Variants in NEGR1 observed in about 807,000 individuals in gnomAD.
NEGR1 encodes the protein IgLON family member 4.
A neutral mutation model predicts 40.9 loss-of-function variants in NEGR1; 10 were observed. The ratio of observed to expected loss-of-function variants is 0.24; its 90% CI spans 0.15 to 0.42. The LOEUF is 0.42. Among genes scored for constraint, NEGR1 ranks in the 10% least tolerant of loss-of-function variants. The pLI is 1.00. For missense variants in NEGR1, 352 were observed against 438.9 expected, an observed-to-expected ratio of 0.80 and a Z score of 1.77; for synonymous variants, 185 against 166.8, an observed-to-expected ratio of 1.11 and a Z score of -0.84.
chr1:71,523,020 T>C (rs1387674110), intron 6 of NEGR1, among the ~76,000 whole-genome samples: 4 of 151,982 alleles, frequency 2.6e-5, no homozygotes, highest in African/African-American at 9.7e-5. Context: ...CAAAGTGTGA[T>C]ATGAAAGATG....
intron 1 of NEGR1, among the ~76,000 whole-genome samples, chr1:72,174,252 CT>C (rs1652079311): frequency 6.6e-6 from 1 of 152,124 alleles, no homozygotes; most frequent in African/African-American, 2.4e-5. Flanking sequence ...CCGCTTTCCC[CT>C]ATACATGCAC....
chr1:72,052,385 T>A (rs928932771), intron 1 of NEGR1, among the ~76,000 whole-genome samples: 3 of 151,474 alleles, frequency 2.0e-5, no homozygotes, highest in African/African-American at 7.3e-5. Flanking sequence ...CAAATCTGAC[T>A]GCAAAAATTG....
intron 6 of NEGR1, among the ~76,000 whole-genome samples, chr1:71,485,909 G>A (rs968098771): frequency 6.6e-6 from 1 of 151,660 alleles, no homozygotes; most frequent in Non-Finnish European, 1.5e-5. Context: ...TATGTGTGAA[G>A]AATTTTGTGC....
chr1:71,769,976 T>C (rs2101710397), intron 3 of NEGR1, among the ~76,000 whole-genome samples: 1 of 152,310 alleles, frequency 6.6e-6, no homozygotes, highest in East Asian at 1.9e-4. Context: ...TTTTCTAAGA[T>C]GTTACTTTTG....
At chr1:71,410,404 G>A (rs1233165066) in intron 6 of NEGR1, among the ~76,000 whole-genome samples, 2 of 152,092 alleles carry the variant, frequency 1.3e-5, no homozygotes, top group African/African-American at 2.4e-5. Flanking sequence ...GTTGAATTAA[G>A]CCTCACATAG....
intron 3 of NEGR1, among the ~76,000 whole-genome samples, chr1:71,740,637 ATAT>A (rs1655185355): frequency 6.6e-6 from 1 of 152,112 alleles, no homozygotes; most frequent in South Asian, 2.1e-4. Context: ...TTTTCAAGAT[ATAT>A]TATTTTAACA....
rs545187438 is a variant in NEGR1, at chr1:71,967,224, T to C, written c.177-31913A>G. Among the ~76,000 whole-genome samples, 4 of 152,346 alleles carry C rather than the reference T, an allele frequency of 2.6e-5. No homozygotes were observed. In the East Asian group the frequency reaches 7.7e-4, roughly 29 times the overall value. On this transcript the variant is annotated intron_variant, in intron 1 of 6. Transcript: ENST00000357731. ...AATAATGAATGAAGAACTGATATTA[T>C]ACTTGCAAAATTCAAATAAATGCCA... is the stretch of plus-strand genomic sequence containing the variant.
At chr1:72,041,257 T>G (rs1646951480) in intron 1 of NEGR1, among the ~76,000 whole-genome samples, 1 of 152,054 alleles carries the variant, frequency 6.6e-6, no homozygotes, top group Non-Finnish European at 1.5e-5. Flanking sequence ...CTCTTCCATT[T>G]CTTCAGGTCC....
intron 1 of NEGR1, among the ~76,000 whole-genome samples, chr1:72,262,753 T>C (rs1440073683): frequency 1.3e-5 from 2 of 151,978 alleles, no homozygotes; most frequent in Non-Finnish European, 2.9e-5. Context: ...ATATTTGTCT[T>C]CTAAAATTAT....
intron 1 of NEGR1, among the ~76,000 whole-genome samples, chr1:72,086,590 GCA>G (rs1648229760): frequency 6.6e-6 from 1 of 152,128 alleles, no homozygotes; most frequent in Admixed American, 6.5e-5. Flanking sequence ...ACTGCTATCA[GCA>G]CTTGTGCTGC....
intron 1 of NEGR1, among the ~76,000 whole-genome samples, chr1:71,963,258 C>T (rs1428857057): frequency 6.6e-6 from 1 of 151,996 alleles, no homozygotes; most frequent in Non-Finnish European, 1.5e-5. Flanking sequence ...AAATTATTTA[C>T]AAGAGAAGAC....
chr1:71,815,299 A>T (rs1176430646), intron 2 of NEGR1, among the ~76,000 whole-genome samples: 2 of 151,914 alleles, frequency 1.3e-5, no homozygotes, highest in African/African-American at 2.4e-5. Context: ...GTTCTTTTGC[A>T]TTTGCTGAGG....
chr1:71,928,201 TATGTATATATAC>T (rs1252352099), intron 2 of NEGR1, among the ~76,000 whole-genome samples: 63 of 138,028 alleles, frequency 4.6e-4, no homozygotes, highest in Non-Finnish European at 8.0e-4. Context: ...TATACGTATA[TATGTATATATAC>T]ACACATATGT....
intron 1 of NEGR1, among the ~76,000 whole-genome samples, chr1:72,034,304 G>A (rs531047756): frequency 5.5e-4 from 84 of 152,250 alleles, no homozygotes; most frequent in African/African-American, 1.8e-3. Context: ...CACCAGAAGG[G>A]GTTCCATTGT....
chr1:72,194,095 CAA>C (rs894602306), intron 1 of NEGR1, among the ~76,000 whole-genome samples: 13 of 151,758 alleles, frequency 8.6e-5, no homozygotes, highest in African/African-American at 3.1e-4. Flanking sequence ...GGCAAATCTA[CAA>C]AAGTCACATG....
At chr1:72,001,434 A>T (rs1284084503) in intron 1 of NEGR1, among the ~76,000 whole-genome samples, 3 of 151,806 alleles carry the variant, frequency 2.0e-5, no homozygotes, top group Non-Finnish European at 4.4e-5. Flanking sequence ...ATTGAATCAG[A>T]TCTGCATTTT....
intron 1 of NEGR1, among the ~76,000 whole-genome samples, chr1:71,951,199 T>C (rs777159950): frequency 8.6e-5 from 13 of 152,012 alleles, no homozygotes; most frequent in Non-Finnish European, 1.6e-4. Context: ...TGGCAAAGTA[T>C]ACTTTTGATT....
intron 2 of NEGR1, among the ~76,000 whole-genome samples, chr1:71,911,472 C>G (rs1423055670): frequency 6.6e-6 from 1 of 152,038 alleles, no homozygotes; most frequent in Non-Finnish European, 1.5e-5. Context: ...ATTCTTCGGT[C>G]CTGAGGGAGT....
intron 1 of NEGR1, among the ~76,000 whole-genome samples, chr1:72,172,138 T>A (rs771554560): frequency 2.0e-5 from 3 of 152,204 alleles, no homozygotes; most frequent in Non-Finnish European, 4.4e-5. Flanking sequence ...TATAGAATAT[T>A]AATGATGCAG....
Sources: gnomAD v4.1 joint callset for allele counts (sites outside exome capture counted in the v4.1 genomes callset) on GRCh38, gnomAD v4.1.1 for gene constraint, MANE v1.5 for transcripts, NCBI Gene and HGNC (gene_info 2026-07-23, HGNC 2026-07-21) for gene names.